The following PRDM15 variants were observed in gnomAD, a reference collection of about 807,000 sequenced individuals.
PRDM15 encodes PR domain zinc finger protein 15.
In PRDM15, 64 loss-of-function variants were observed where a neutral mutation model predicts 128.6. The observed-to-expected ratio is 0.50, with a 90% CI of 0.41 to 0.61. PRDM15 has a LOEUF of 0.61. Ranked by LOEUF, PRDM15 falls within the 20% of genes least tolerant of loss-of-function variation. The probability of loss-of-function intolerance (pLI) is 0.00; values close to 1 mark genes in which losing one functional copy is unlikely to be tolerated. For missense variants in PRDM15, 1,242 were observed against 1,569.1 expected (o/e 0.79, Z 3.52); for synonymous variants, 615 against 621.8 (o/e 0.99, Z 0.16).
At chr21:41,844,541 G>GACACACACACAC (rs71188689) in intron 6 of PRDM15, among the ~76,000 whole-genome samples, 1 of 3,664 alleles carries the variant, frequency 2.7e-4, no homozygotes, top group South Asian at 9.6e-3. Flanking sequence ...CCCTCACAGG[G>GACACACACACAC]ACACACACAC....
intron 1 of PRDM15, chr21:41,872,157 A>C (rs908337613): frequency 2.0e-5 from 3 of 152,186 alleles, no homozygotes; most frequent in Non-Finnish European, 4.4e-5. Context: ...AGCTTTAAAA[A>C]ACAAAAAGTG....
rs770008865 is a variant in PRDM15 at position 41,819,628 on chromosome 21, A to G, written c.2214T>C (p.Arg738=). ...GGTACTCGCGGACATTGTCGTGCAC[A>G]CGCATGTGCTCCTTCAGCATGTCCT... ...ARKDMLKEHM[R]VHDNVREYLC... is the part of the protein sequence containing the mutation. The change falls in exon 18 of 24, where the codon CGT becomes CGC. Residue 738 remains arginine (R), a synonymous_variant. Transcript: ENST00000398548. The G allele has an allele frequency of 6.2e-7, 1 of 1,612,088 alleles. No individual in the cohort carries two copies. The highest frequency in any genetic ancestry group is 2.2e-5 in the East Asian group (1 of 44,850).
chr21:41,824,790 G>A (rs893645737), intron 13 of PRDM15, among the ~76,000 whole-genome samples: 19 of 152,208 alleles, frequency 1.2e-4, no homozygotes, highest in African/African-American at 4.3e-4. Flanking sequence ...TCACTCATTT[G>A]CTCAGGCTTG....
chr21:41,839,611 C>T lies in PRDM15; in HGVS notation c.871+12G>A, dbSNP rs1231811487. On this transcript the variant is annotated intron_variant, in intron 7 of 23. Transcript: ENST00000398548. ...CCCACGCAGGCACTCATCCCCGGGA[C>T]CCGCTCATCACCTGTGGGTTCCTTG... is the stretch of plus-strand genomic sequence containing the variant. 6.2e-7 allele frequency: 1 copy of T among 1,612,588 alleles called. No homozygotes were observed. The highest frequency in any genetic ancestry group is 8.5e-7 in the Non-Finnish European group (1 of 1,178,610).
intron 21 of PRDM15, among the ~76,000 whole-genome samples, chr21:41,808,239 T>G (rs2061743124): frequency 6.6e-6 from 1 of 152,018 alleles, no homozygotes; most frequent in Non-Finnish European, 1.5e-5. Context: ...GCGCTTCGGG[T>G]TCCTACTCCC....
rs925959261 is a variant in PRDM15, at chr21:41,862,178, C to A, written c.-9-1806G>T. On this transcript the variant is annotated intron_variant, in intron 1 of 23. Transcript: ENST00000398548. The surrounding 1 kb of genome is among the most constrained non-coding windows in gnomAD (Gnocchi z 4.1). ...CTACTGGAGGTGTAGGACCTGCGTGCCCCCTGCAGGAACCCACGTGACTCA... is the reference window on the plus strand; with the variant it reads ...CTACTGGAGGTGTAGGACCTGCGTGACCCCTGCAGGAACCCACGTGACTCA... Among the ~76,000 whole-genome samples the A allele has an allele frequency of 1.9e-4, 29 of 152,134 alleles. No homozygotes were observed. Among genetic ancestry groups the A allele is most frequent in the Non-Finnish European group, 3.2e-4 (22 of 68,018 alleles).
intron 1 of PRDM15, among the ~76,000 whole-genome samples, chr21:41,868,806 T>G (rs2064110130): frequency 6.7e-6 from 1 of 149,342 alleles, no homozygotes; most frequent in African/African-American, 2.5e-5. Context: ...TTCTCCTGCC[T>G]CAGCCTCCAA....
At chr21:41,808,467 C>T (rs1025216125) in intron 21 of PRDM15, among the ~76,000 whole-genome samples, 2 of 152,236 alleles carry the variant, frequency 1.3e-5, no homozygotes, top group Non-Finnish European at 1.5e-5. Context: ...CGGCGACGTC[C>T]CGGGTCACCC....
Position 41,836,519 on chromosome 21 carries a change from T to C in PRDM15, c.1132A>G (p.Ser378Gly). 1 of 1,612,602 alleles carries C rather than the reference T, an allele frequency of 6.2e-7. No individual in the cohort carries two copies. The highest frequency in any genetic ancestry group is 1.1e-5 in the South Asian group (1 of 91,004). ...HKRVYQCNIC[S>G]KIFQNSSNLS... ...TTGCTGCTGTTCTGGAAGATCTTGC[T>C]GCAGATATTGCACTGGTAAACCCGC... is the stretch of plus-strand genomic sequence containing the variant. The change falls in exon 9 of 24, where the codon AGC (serine) becomes GGC (glycine). Residue 378 changes from serine (S) to glycine (G), a missense_variant. Transcript: ENST00000398548.
chr21:41,812,414 C>T (rs1162331650), intron 19 of PRDM15: 1 of 152,112 alleles, frequency 6.6e-6, no homozygotes, highest in Admixed American at 6.5e-5. Context: ...CGGTAGGTGG[C>T]CTTGTGGTGG....
At position 41,828,039 on chromosome 21, in the gene PRDM15, T is replaced by C; in HGVS notation, c.1534+127A>G. 1 of 929,372 alleles carries C rather than the reference T, an allele frequency of 1.1e-6. No homozygotes were observed. The highest frequency in any genetic ancestry group is 1.6e-5 in the African/African-American group (1 of 61,120). 57.6% of individuals were successfully genotyped at this position (929,372 alleles called of 1,614,324 possible). A position where few individuals can be genotyped will look rare whatever the true frequency, so the allele number is the denominator to read the frequency against. On this transcript the variant is annotated intron_variant, in intron 12 of 23. Coordinates refer to ENST00000398548, the MANE Select transcript of PRDM15 (RefSeq NM_001040424.3). This position sits in a 1 kb window ranked among gnomAD's most constrained non-coding sequence, Gnocchi z 5.7. ...GATGAGCCCATCGGATGGCGGGCGT[T>C]TCCAGGCAAAGGAGCAGGCGGCACC...
At chr21:41,873,959 T>C (rs755353191) in intron 1 of PRDM15, among the ~76,000 whole-genome samples, 1 of 151,548 alleles carries the variant, frequency 6.6e-6, no homozygotes, top group Admixed American at 6.6e-5. Context: ...GGTGGGAAGA[T>C]TGCTTGAACC....
At chr21:41,831,819 C>T (rs1228998649) in intron 11 of PRDM15, among the ~76,000 whole-genome samples, 1 of 152,208 alleles carries the variant, frequency 6.6e-6, no homozygotes, top group Non-Finnish European at 1.5e-5. Flanking sequence ...CTGTGCGAGG[C>T]TTCTCTGCCC....
chr21:41,833,454 T>C (rs950293173), intron 11 of PRDM15, among the ~76,000 whole-genome samples: 3 of 152,228 alleles, frequency 2.0e-5, no homozygotes, highest in African/African-American at 7.2e-5. Flanking sequence ...CCACTGGGAA[T>C]GGGGAAGGCG....
Position 41,836,493 on chromosome 21 carries a change from G to T in PRDM15, c.1158C>A (p.Asn386Lys), listed in dbSNP as rs765444752. The change falls in exon 9 of 24, where the codon AAC becomes AAA. Residue 386 changes from asparagine (N) to lysine (K), a missense_variant. By Grantham distance (94) the Asn-to-Lys change is moderately conservative. Transcript: ENST00000398548. ...CATGCGAGCGCACGTGCCTGCTCAG[G>T]TTGCTGCTGTTCTGGAAGATCTTGC... The part of the protein sequence containing the change: ...ICSKIFQNSS[N>K]LSRHVRSHGD... The T allele has an allele frequency of 6.2e-7, 1 of 1,611,918 alleles. No homozygotes were observed. Among genetic ancestry groups the T allele is most frequent in the Admixed American group, 1.7e-5 (1 of 60,018 alleles).
chr21:41,823,071 GA>G, intron 14 of PRDM15: 1 of 464,150 alleles, frequency 2.2e-6, no homozygotes, highest in South Asian at 2.1e-5. Context: ...GGCCCTTATA[GA>G]AGAGATCCCT....
intron 5 of PRDM15, among the ~76,000 whole-genome samples, chr21:41,849,602 G>T (rs948299767): frequency 6.6e-6 from 1 of 151,106 alleles, no homozygotes; most frequent in East Asian, 2.0e-4. Context: ...TAAAATTGTT[G>T]AGTCTTACTG....
rs146857857 is a variant in PRDM15 at position 41,826,347 on chromosome 21, C to T, written c.1535-293G>A. Among the ~76,000 whole-genome samples, 9 of 152,296 alleles carry T rather than the reference C, an allele frequency of 5.9e-5. No individual in the cohort carries two copies. The East Asian group carries it at 1.5e-3, about 26-fold the overall frequency. ...TTTGGAAATATAATGGCATCGAGTGCTAAATGTTCCTAGGTGGCAGAGCTA... is the reference window on the plus strand; with the variant it reads ...TTTGGAAATATAATGGCATCGAGTGTTAAATGTTCCTAGGTGGCAGAGCTA... On this transcript the variant is annotated intron_variant, in intron 12 of 23. Transcript: ENST00000398548.
chr21:41,821,049 C>A lies in PRDM15; in HGVS notation c.2060+18G>T. The A allele has an allele frequency of 6.2e-7, 1 of 1,614,044 alleles. No individual in the cohort carries two copies. Among genetic ancestry groups the A allele is most frequent in the East Asian group, 2.2e-5 (1 of 44,874 alleles). On this transcript the variant is annotated intron_variant, in intron 16 of 23. Transcript: ENST00000398548. The surrounding 1 kb of genome is among the most constrained non-coding windows in gnomAD (Gnocchi z 5.4). The stretch of plus-strand genomic sequence containing the variant: ...CCTCTCTCCTGACACAACCCGGGAG[C>A]CCCCGACCAGGCCTCACTTCTGCAC...
Sources: allele counts gnomAD v4.1 joint callset (sites outside exome capture counted in the v4.1 genomes callset), GRCh38; gene constraint gnomAD v4.1.1; non-coding constraint Gnocchi (gnomAD v3.1); transcripts MANE v1.5; gene names NCBI Gene and HGNC (gene_info 2026-07-23, HGNC 2026-07-21).